ADAMTSL3: variants seen among roughly 807,000 people sequenced by gnomAD.
ADAMTSL3 encodes ADAMTS like 3, also known as ADAMTS-like protein 3.
ADAMTSL3 carries 128 observed loss-of-function variants against 201.7 expected under a neutral mutation model. That is an observed-to-expected ratio of 0.63 (90% CI 0.55 to 0.73). ADAMTSL3 has a LOEUF of 0.73. Ranked by LOEUF, ADAMTSL3 falls within the 30% of genes least tolerant of loss-of-function variation. The pLI is 0.00. For missense variants in ADAMTSL3, 1,990 were observed against 2,119.6 expected (o/e 0.94, Z 1.20); for synonymous variants, 738 against 748.4 (o/e 0.99, Z 0.23).
At chr15:83,774,018 C>A (rs1234281405) in intron 4 of ADAMTSL3, among the ~76,000 whole-genome samples, 1 of 152,158 alleles carries the variant, frequency 6.6e-6, no homozygotes. Flanking sequence ...TTCTGAGCAA[C>A]CCGTCGATTA....
At chr15:83,720,349 G>A (rs1012067846) in intron 3 of ADAMTSL3, among the ~76,000 whole-genome samples, 3 of 152,238 alleles carry the variant, frequency 2.0e-5, no homozygotes, top group South Asian at 4.1e-4. Flanking sequence ...TAGCAGAAAA[G>A]CATTTTACAA....
intron 16 of ADAMTSL3, among the ~76,000 whole-genome samples, chr15:83,916,545 T>C (rs1037775674): frequency 2.5e-4 from 38 of 152,306 alleles, no homozygotes; most frequent in African/African-American, 9.1e-4. Flanking sequence ...ATTTCTTGGG[T>C]TAAAAAAGTT....
intron 19 of ADAMTSL3, among the ~76,000 whole-genome samples, chr15:83,953,408 AAG>A (rs1338238314): frequency 6.6e-6 from 1 of 151,964 alleles, no homozygotes; most frequent in African/African-American, 2.4e-5. Context: ...AACACACAAA[AAG>A]AAAACTAATG....
At chr15:83,780,938 C>A (rs2046060978) in intron 4 of ADAMTSL3, among the ~76,000 whole-genome samples, 2 of 152,140 alleles carry the variant, frequency 1.3e-5, no homozygotes, top group South Asian at 4.1e-4. Context: ...CTACAAAACA[C>A]CACTTGAAGA....
intron 2 of ADAMTSL3, among the ~76,000 whole-genome samples, chr15:83,682,040 G>A (rs536394843): frequency 6.6e-6 from 1 of 152,032 alleles, no homozygotes; most frequent in East Asian, 1.9e-4. Context: ...ATATTCTCTT[G>A]TTCTGTTTTT....
intron 23 of ADAMTSL3, among the ~76,000 whole-genome samples, 167 bp from the exon 24 acceptor site, chr15:84,014,375 A>T (rs560748266): frequency 6.6e-6 from 1 of 152,246 alleles, no homozygotes; most frequent in African/African-American, 2.4e-5. Context: ...AGGATCCTCC[A>T]TCTGCCATAG....
In ADAMTSL3 at chr15:83,991,221, G is replaced by A. The variant is rs2067576651; in HGVS notation, c.3973+7G>A. ...ATCCGATGTCCTGTAAAAGGTAAGT[G>A]TGGTCATTTCAGTGGGAGGCCATTT... On this transcript the variant is annotated splice_region_variant and intron_variant, in intron 23 of 29. Transcript: ENST00000286744. The A allele has an allele frequency of 6.2e-7, 1 of 1,614,166 alleles. No individual in the cohort carries two copies. Among genetic ancestry groups the A allele is most frequent in the Non-Finnish European group, 8.5e-7 (1 of 1,180,018 alleles).
intron 8 of ADAMTSL3, chr15:83,861,710 G>T (rs1189284498): frequency 1.3e-5 from 2 of 152,264 alleles, no homozygotes; most frequent in Admixed American, 1.3e-4. Flanking sequence ...AAAAATCAGA[G>T]CACCTCTCCT....
intron 15 of ADAMTSL3, among the ~76,000 whole-genome samples, chr15:83,905,297 G>A (rs1357507739): frequency 2.0e-5 from 3 of 152,188 alleles, no homozygotes; most frequent in African/African-American, 7.2e-5. Flanking sequence ...GGTGTTATTC[G>A]GGATCAGGGA....
At chr15:83,828,596 T>C (rs2064079830) in intron 6 of ADAMTSL3, among the ~76,000 whole-genome samples, 1 of 152,192 alleles carries the variant, frequency 6.6e-6, no homozygotes. Context: ...GGCATCCCTG[T>C]CTTGTGCCAG....
chr15:83,869,679 A>C (rs983062466), intron 8 of ADAMTSL3, among the ~76,000 whole-genome samples: 6 of 152,148 alleles, frequency 3.9e-5, no homozygotes, highest in Non-Finnish European at 7.3e-5. Context: ...ATGCTGGACG[A>C]TTTTGTTGCA....
chr15:83,682,552 T>C (rs1268596060), intron 2 of ADAMTSL3, among the ~76,000 whole-genome samples: 2 of 152,248 alleles, frequency 1.3e-5, no homozygotes, highest in African/African-American at 4.8e-5. Flanking sequence ...GTCCTTGCTG[T>C]TGGCACAAAT....
intron 20 of ADAMTSL3, among the ~76,000 whole-genome samples, chr15:83,979,593 C>T (rs1336678240): frequency 3.3e-5 from 5 of 152,254 alleles, no homozygotes; most frequent in African/African-American, 9.6e-5. Flanking sequence ...TCCAAACTTG[C>T]TTTAACAGCC....
intron 6 of ADAMTSL3, among the ~76,000 whole-genome samples, chr15:83,826,239 C>A (rs1435760005): frequency 5.9e-5 from 9 of 152,034 alleles, no homozygotes; most frequent in Non-Finnish European, 1.2e-4. Context: ...CACTCCACCC[C>A]TAAGTAGCTG....
chr15:83,957,989 A>G (rs56373916), intron 19 of ADAMTSL3, among the ~76,000 whole-genome samples: 1 of 152,006 alleles, frequency 6.6e-6, no homozygotes, highest in South Asian at 2.1e-4. Context: ...AACAAAAAGC[A>G]GAGCAATTAG....
chr15:83,886,447 A>C (rs2065392766), intron 10 of ADAMTSL3, among the ~76,000 whole-genome samples: 1 of 152,196 alleles, frequency 6.6e-6, no homozygotes, highest in Admixed American at 6.5e-5. Context: ...TGACACTTAG[A>C]AAGTGTAAAG....
intron 19 of ADAMTSL3, among the ~76,000 whole-genome samples, chr15:83,968,422 A>G (rs2067129683): frequency 6.6e-6 from 1 of 151,930 alleles, no homozygotes; most frequent in African/African-American, 2.4e-5. Flanking sequence ...ACATATGGAA[A>G]AAAGCTCATT....
Position 83,770,864 on chromosome 15 carries a change from G to A in ADAMTSL3, c.190-2659G>A, listed in dbSNP as rs929135963. On this transcript the variant is annotated intron_variant, in intron 3 of 29. Coordinates refer to ENST00000286744, the MANE Select transcript of ADAMTSL3 (RefSeq NM_207517.3). ...GCGGGCGGATTATGAGATCAGGTTC[G>A]AGACTGTCCTGGCTAACACGGTGAA... Among the ~76,000 whole-genome samples, 7 of 152,200 alleles carry A rather than the reference G, an allele frequency of 4.6e-5. No individual in the cohort carries two copies. In the Middle Eastern group the frequency reaches 0.014, roughly 298 times the overall value.
intron 2 of ADAMTSL3, among the ~76,000 whole-genome samples, chr15:83,688,810 A>G (rs1349951197): frequency 1.3e-5 from 2 of 150,668 alleles, no homozygotes; most frequent in Non-Finnish European, 3.0e-5. Context: ...CTGATTTAAA[A>G]CAAAATTAAT....
Sources: allele counts gnomAD v4.1 joint callset (sites outside exome capture counted in the v4.1 genomes callset), GRCh38; gene constraint gnomAD v4.1.1; transcripts MANE v1.5; gene names NCBI Gene and HGNC (gene_info 2026-07-23, HGNC 2026-07-21).